NYAP2: variants seen among roughly 807,000 people sequenced by gnomAD.
NYAP2 encodes neuronal tyrosine-phosphorylated phosphoinositide-3-kinase adapter 2.
Under a neutral mutation model 50.4 loss-of-function variants are expected in NYAP2, and 23 were observed. The observed-to-expected ratio is 0.46, with a 90% confidence interval of 0.33 to 0.65. The LOEUF (loss-of-function observed/expected upper bound fraction) is 0.65. Ranked by LOEUF, NYAP2 falls within the 30% of genes least tolerant of loss-of-function variation. The probability of loss-of-function intolerance (pLI) is 0.02; values close to 1 mark genes in which losing one functional copy is unlikely to be tolerated. For missense variants in NYAP2, 885 were observed against 861.0 expected, an observed-to-expected ratio of 1.03 and a Z score of -0.35; for synonymous variants, 394 against 365.2, an observed-to-expected ratio of 1.08 and a Z score of -0.90.
chr2:225,471,714 ATG>A (rs1690014479), intron 3 of NYAP2, among the ~76,000 whole-genome samples: 1 of 152,220 alleles, frequency 6.6e-6, no homozygotes, highest in Non-Finnish European at 1.5e-5. Flanking sequence ...CCTGTGAAAT[ATG>A]TGTTATCACA....
chr2:225,577,172 T>C (rs1218734851), intron 4 of NYAP2, among the ~76,000 whole-genome samples: 1 of 152,212 alleles, frequency 6.6e-6, no homozygotes, highest in Non-Finnish European at 1.5e-5. Flanking sequence ...ATTTCAAAAA[T>C]GTCACTTTCT....
chr2:225,405,402 C>A (rs994140018), intron 2 of NYAP2, among the ~76,000 whole-genome samples: 1 of 151,934 alleles, frequency 6.6e-6, no homozygotes, highest in East Asian at 1.9e-4. Context: ...TTATAAAATT[C>A]TTGCATACAT....
chr2:225,541,682 G>A lies in NYAP2; in HGVS notation c.523+28010G>A, dbSNP rs1347309444. Among the ~76,000 whole-genome samples the A allele has an allele frequency of 2.0e-5, 3 of 151,928 alleles. No individual in the cohort carries two copies. In the East Asian group the frequency reaches 5.8e-4, roughly 29 times the overall value. On this transcript the variant is annotated intron_variant, in intron 4 of 6. Coordinates refer to ENST00000636099, the Ensembl canonical transcript of NYAP2. The stretch of plus-strand genomic sequence containing the variant: ...TTTTTATGCCAGTGCTATGCTGTTT[G>A]TGTTACTATACCTCTGCAATATCAT...
intron 4 of NYAP2, among the ~76,000 whole-genome samples, chr2:225,521,725 C>T (rs1307462039): frequency 6.6e-6 from 1 of 151,852 alleles, no homozygotes; most frequent in Non-Finnish European, 1.5e-5. Flanking sequence ...GGATATTGGT[C>T]TAAAATTCTC....
In NYAP2 at chr2:225,550,302, T is replaced by TC. The variant is rs1333574483; in HGVS notation, c.524-31638dup. On this transcript the variant is annotated intron_variant, in intron 4 of 6. Coordinates refer to ENST00000636099, the Ensembl canonical transcript of NYAP2. ...CTTCTTTGAGTACCCATATAACCAT[T>TC]CTTTTTTTTTCACTTTCCTTACAGT... Among the ~76,000 whole-genome samples the TC allele has an allele frequency of 4.5e-4, 10 of 22,324 alleles. No homozygotes were observed. In the East Asian group the frequency reaches 7.0e-3, roughly 16 times the overall value. 14.6% of individuals were successfully genotyped at this position (22,324 alleles called of 152,430 possible).
intron 4 of NYAP2, among the ~76,000 whole-genome samples, chr2:225,535,922 A>T (rs914533630): frequency 2.8e-4 from 43 of 152,060 alleles, no homozygotes; most frequent in Non-Finnish European, 5.9e-4. Flanking sequence ...ATCCATAAAA[A>T]TTTTTCTGTG....
At chr2:225,479,822 T>G (rs1349980378) in intron 3 of NYAP2, among the ~76,000 whole-genome samples, 2 of 152,110 alleles carry the variant, frequency 1.3e-5, no homozygotes, top group Non-Finnish European at 2.9e-5. Context: ...CTACATGTAA[T>G]TTCATCAAAT....
At chr2:225,426,496 T>C (rs530253109) in intron 3 of NYAP2, among the ~76,000 whole-genome samples, 146 of 152,290 alleles carry the variant, frequency 9.6e-4, no homozygotes, top group Non-Finnish European at 1.8e-3. Flanking sequence ...GGACACTCAA[T>C]AAGTATATCT....
intron 4 of NYAP2, among the ~76,000 whole-genome samples, chr2:225,564,685 TA>T (rs5839113): frequency 0.081 from 11,694 of 144,464 alleles, 440 homozygotes; most frequent in Admixed American, 0.095. Context: ...TGCATAAATA[TA>T]AAAAAAAAAA....
At chr2:225,576,888 C>T (rs975126988) in intron 4 of NYAP2, among the ~76,000 whole-genome samples, 1 of 152,092 alleles carries the variant, frequency 6.6e-6, no homozygotes, top group Admixed American at 6.5e-5. Flanking sequence ...TCTCAAAGAG[C>T]CCTTCGTATT....
At chr2:225,559,779 C>T (rs1691841007) in intron 4 of NYAP2, among the ~76,000 whole-genome samples, 1 of 151,818 alleles carries the variant, frequency 6.6e-6, no homozygotes, top group African/African-American at 2.4e-5. Flanking sequence ...GTATATTTTT[C>T]CTAGTCACCC....
chr2:225,686,808 C>T, the NYAP2 span, among the ~76,000 whole-genome samples: 4 of 152,004 alleles, frequency 2.6e-5, no homozygotes, highest in Admixed American at 6.6e-5. Context: ...GTTATTGTGC[C>T]TAGGATCTTG....
chr2:225,629,367 A>G (rs1291963297), intron 6 of NYAP2, among the ~76,000 whole-genome samples: 1 of 152,208 alleles, frequency 6.6e-6, no homozygotes, highest in East Asian at 1.9e-4. Context: ...TGATTCAGAT[A>G]CTAATCTCTT....
intron 6 of NYAP2, among the ~76,000 whole-genome samples, chr2:225,639,888 G>C (rs1210828716): frequency 1.3e-5 from 2 of 152,110 alleles, no homozygotes; most frequent in African/African-American, 4.8e-5. Flanking sequence ...GAGTTAGGAG[G>C]AAGAGCAATC....
intron 4 of NYAP2, among the ~76,000 whole-genome samples, chr2:225,534,135 G>T (rs762763352): frequency 6.6e-6 from 1 of 152,158 alleles, no homozygotes; most frequent in Admixed American, 6.6e-5. Context: ...TGGAGATGTT[G>T]AGAAAACATT....
chr2:225,459,603 G>A (rs1689792172), intron 3 of NYAP2, among the ~76,000 whole-genome samples: 1 of 151,544 alleles, frequency 6.6e-6, no homozygotes, highest in African/African-American at 2.4e-5. Flanking sequence ...TAATGGATTA[G>A]GGCTACATTT....
intron 5 of NYAP2, among the ~76,000 whole-genome samples, chr2:225,620,323 A>T (rs1693067660): frequency 6.6e-6 from 1 of 152,122 alleles, no homozygotes; most frequent in Non-Finnish European, 1.5e-5. Flanking sequence ...TATTTGTTTG[A>T]ATTAGAAAAC....
chr2:225,608,965 C>T (rs1692835704), intron 5 of NYAP2, among the ~76,000 whole-genome samples: 1 of 152,092 alleles, frequency 6.6e-6, no homozygotes, highest in African/African-American at 2.4e-5. Flanking sequence ...TTCCTTCTGT[C>T]AGTGGGCCAT....
chr2:225,605,097 C>A (rs944533370), intron 5 of NYAP2, among the ~76,000 whole-genome samples: 6 of 152,084 alleles, frequency 3.9e-5, no homozygotes, highest in African/African-American at 1.4e-4. Flanking sequence ...AATGTATTTT[C>A]AGAATTATAT....
Sources: gnomAD v4.1 joint callset for allele counts (sites outside exome capture counted in the v4.1 genomes callset) on GRCh38, gnomAD v4.1.1 for gene constraint, MANE v1.5 for transcripts, NCBI Gene and HGNC (gene_info 2026-07-23, HGNC 2026-07-21) for gene names.